PCP4: variants seen among roughly 807,000 people sequenced by gnomAD.
PCP4 encodes Purkinje cell protein 4, also known as calmodulin regulator protein PCP4.
A neutral mutation model predicts 10.0 loss-of-function variants in PCP4; 8 were observed. The ratio of observed to expected loss-of-function variants is 0.80; its 90% CI spans 0.47 to 1.45. The LOEUF is 1.45. PCP4 is among the 40% of genes most tolerant of loss of function. The pLI is 0.00. For synonymous variants in PCP4, 21 were observed against 23.0 expected, an observed-to-expected ratio of 0.91 and a Z score of 0.24; for missense variants, 54 against 74.4, an observed-to-expected ratio of 0.73 and a Z score of 1.01.
At chr21:39,924,776 A>T (rs1267371424) in intron 2 of PCP4, among the ~76,000 whole-genome samples, 2 of 151,878 alleles carry the variant, frequency 1.3e-5, no homozygotes, top group South Asian at 4.2e-4. Flanking sequence ...CTGGTCTCAG[A>T]CTCTCACCTC....
At chr21:39,925,639 C>T (rs188414041) in intron 2 of PCP4, among the ~76,000 whole-genome samples, 1,859 of 152,238 alleles carry the variant, frequency 0.012, 17 homozygotes, top group Non-Finnish European at 0.019. Flanking sequence ...GGGACATATT[C>T]GGGGAATGTC....
At chr21:39,896,831 G>A (rs1354403284) in intron 1 of PCP4, among the ~76,000 whole-genome samples, 1 of 152,156 alleles carries the variant, frequency 6.6e-6, no homozygotes. Context: ...GAAACTGATT[G>A]TTATTTTTCT....
chr21:39,920,067 T>TTG (rs371640949), intron 2 of PCP4, among the ~76,000 whole-genome samples: 1,261 of 123,930 alleles, frequency 0.01, 31 homozygotes, highest in African/African-American at 0.037. Context: ...TAGGGTGTGT[T>TTG]TGTGTGTGTG....
At chr21:39,877,931 A>C (rs1014953094) in intron 1 of PCP4, among the ~76,000 whole-genome samples, 2 of 152,186 alleles carry the variant, frequency 1.3e-5, no homozygotes, top group African/African-American at 4.8e-5. Flanking sequence ...TTTTATGGCC[A>C]AAACCATTGC....
intron 2 of PCP4, among the ~76,000 whole-genome samples, chr21:39,905,825 G>T (rs867815516): frequency 6.6e-6 from 1 of 152,126 alleles, no homozygotes; most frequent in Non-Finnish European, 1.5e-5. Flanking sequence ...GAGGCGGGTG[G>T]ATCACGAGGT....
intron 2 of PCP4, among the ~76,000 whole-genome samples, chr21:39,901,172 TGA>T (rs74413923): frequency 0.14 from 21,032 of 152,204 alleles, 1,645 homozygotes; most frequent in Middle Eastern, 0.23. Context: ...TGCTCACTTG[TGA>T]GAGTATGAGA....
intron 2 of PCP4, among the ~76,000 whole-genome samples, chr21:39,915,734 G>A (rs895792451): frequency 2.6e-5 from 4 of 152,214 alleles, no homozygotes; most frequent in Non-Finnish European, 5.9e-5. Context: ...GGCAAGGGGT[G>A]TCTGTTAATT....
In PCP4 at chr21:39,898,607, T is replaced by A. The variant is rs537773196; in HGVS notation, c.61+80T>A. 3,278 of 1,081,478 alleles carry A rather than the reference T, an allele frequency of 3.0e-3. 10 individuals are homozygous for A. The highest frequency in any genetic ancestry group is 6.2e-3 in the Middle Eastern group (31 of 4,970). The allele number at this position is 1,081,478 out of a possible 1,614,324, so 67.0% of individuals were successfully genotyped here. ...GTATGCAGCAGGTGCGGATCATACA[T>A]CCCATCCCAAACAGCTTACTATATG... On this transcript the variant is annotated intron_variant, in intron 2 of 2. Transcript: ENST00000328619.
At chr21:39,910,770 C>T (rs1044617167) in intron 2 of PCP4, among the ~76,000 whole-genome samples, 5 of 152,234 alleles carry the variant, frequency 3.3e-5, no homozygotes, top group African/African-American at 4.8e-5. Flanking sequence ...GGGTCTTCCT[C>T]GCCCTTTAGC....
rs1251130006 is a variant in PCP4 at position 39,867,470 on chromosome 21, C to T, written c.-32C>T. On this transcript the variant is annotated 5_prime_UTR_variant, in exon 1 of 3. Transcript: ENST00000328619. Reference sequence around the variant, plus strand: ...CCTGAGCAGTGTTCTCTGTGCTGAGCGGCGGGACTGAGCTGTTGAGTTAGA... The same window carrying T: ...CCTGAGCAGTGTTCTCTGTGCTGAGTGGCGGGACTGAGCTGTTGAGTTAGA... The T allele has an allele frequency of 4.3e-6, 7 of 1,613,446 alleles. No individual in the cohort carries two copies. In the Admixed American group the frequency reaches 5.0e-5, roughly 12 times the overall value.
chr21:39,928,960 C>G (rs1241781803), intron 2 of PCP4, 24 bp from the exon 3 acceptor site: 1 of 1,605,764 alleles, frequency 6.2e-7, no homozygotes, highest in East Asian at 2.2e-5. Flanking sequence ...TGATTGCCTT[C>G]TGTTTGTGTT....
chr21:39,878,395 G>A (rs191378776), intron 1 of PCP4, among the ~76,000 whole-genome samples: 1 of 152,296 alleles, frequency 6.6e-6, no homozygotes, highest in Admixed American at 6.5e-5. Flanking sequence ...TGAGAATTTA[G>A]CAATCTTCAA....
chr21:39,897,781 T>C (rs2087463942), intron 1 of PCP4, among the ~76,000 whole-genome samples: 1 of 152,092 alleles, frequency 6.6e-6, no homozygotes, highest in African/African-American at 2.4e-5. Flanking sequence ...GCGCGGTGGC[T>C]CACGCCTGTA....
At chr21:39,890,932 A>G (rs963902236) in intron 1 of PCP4, among the ~76,000 whole-genome samples, 1 of 152,164 alleles carries the variant, frequency 6.6e-6, no homozygotes, top group African/African-American at 2.4e-5. Flanking sequence ...TGGGACTGTT[A>G]GTGATGTTTG....
At chr21:39,925,640 G>A (rs137996056) in intron 2 of PCP4, among the ~76,000 whole-genome samples, 6 of 152,258 alleles carry the variant, frequency 3.9e-5, no homozygotes, top group African/African-American at 7.2e-5. Flanking sequence ...GGACATATTC[G>A]GGGAATGTCC....
At chr21:39,896,548 T>G (rs2146336504) in intron 1 of PCP4, among the ~76,000 whole-genome samples, 1 of 152,372 alleles carries the variant, frequency 6.6e-6, no homozygotes, top group Admixed American at 6.5e-5. Flanking sequence ...TTTACCTGAT[T>G]TAAATCATTT....
At chr21:39,885,843 A>C (rs2087398311) in intron 1 of PCP4, among the ~76,000 whole-genome samples, 1 of 152,238 alleles carries the variant, frequency 6.6e-6, no homozygotes, top group Non-Finnish European at 1.5e-5. Flanking sequence ...GAATGTATTA[A>C]TTAGTCTGCG....
chr21:39,916,872 C>T (rs1307512815), intron 2 of PCP4, among the ~76,000 whole-genome samples: 1 of 152,134 alleles, frequency 6.6e-6, no homozygotes, highest in Non-Finnish European at 1.5e-5. Flanking sequence ...CACATGTTCT[C>T]ACTTATAAGT....
intron 1 of PCP4, among the ~76,000 whole-genome samples, chr21:39,874,466 C>A (rs2087335002): frequency 6.6e-6 from 1 of 152,130 alleles, no homozygotes; most frequent in Non-Finnish European, 1.5e-5. Context: ...TCCCGTAGCA[C>A]CACATCTGTG....
Sources: allele counts gnomAD v4.1 joint callset (sites outside exome capture counted in the v4.1 genomes callset), GRCh38; gene constraint gnomAD v4.1.1; transcripts MANE v1.5; gene names NCBI Gene and HGNC (gene_info 2026-07-23, HGNC 2026-07-21).